Variants in PHF3 observed in about 807,000 individuals in gnomAD.
The protein encoded by PHF3 is PHD finger protein 3.
Under a neutral mutation model 178.4 loss-of-function variants are expected in PHF3, and 41 were observed. The ratio of observed to expected loss-of-function variants is 0.23; its 90% CI spans 0.18 to 0.30. The LOEUF is 0.30. Among genes scored for constraint, PHF3 ranks in the 10% least tolerant of loss-of-function variants. The probability of loss-of-function intolerance (pLI) is 1.00; values close to 1 mark genes in which losing one functional copy is unlikely to be tolerated. For missense variants in PHF3, 2,346 were observed against 2,398.1 expected (o/e 0.98, Z 0.45); for synonymous variants, 842 against 800.5 (o/e 1.05, Z -0.88).
chr6:63,696,417 T>TTGAACTC (rs1561974189), intron 6 of PHF3, among the ~76,000 whole-genome samples: 1 of 152,140 alleles, frequency 6.6e-6, no homozygotes, highest in African/African-American at 2.4e-5. Flanking sequence ...ACTCCTGGGC[T>TTGAACTC]CAAGCTATCC....
chr6:63,649,935 G>A (rs1764952236), intron 2 of PHF3, among the ~76,000 whole-genome samples: 1 of 152,102 alleles, frequency 6.6e-6, no homozygotes. Context: ...GGTGTTTACT[G>A]GCAGTATCAG....
At chr6:63,637,783 A>G (rs1250591170) in intron 1 of PHF3, among the ~76,000 whole-genome samples, 1 of 152,162 alleles carries the variant, frequency 6.6e-6, no homozygotes, top group Non-Finnish European at 1.5e-5. Context: ...GGCTACTTTT[A>G]TGTAAAAAGA....
rs769577866 is a variant in PHF3 at position 63,684,900 on chromosome 6, G to T, written c.1178G>T (p.Arg393Ile). ...IADKTENTLE[R>I]NKIEPLGYCE... ...GATAAAACTGAGAACACCCTTGAAA[G>T]AAATAAAATTGAACCGTTGGGTTAT... The change falls in exon 4 of 16, where the codon AGA (arginine) becomes ATA (isoleucine). Residue 393 changes from arginine to isoleucine, a missense_variant. By Grantham distance (97) the Arg-to-Ile change is moderately conservative. Transcript: ENST00000262043. The T allele has an allele frequency of 4.3e-6, 7 of 1,614,056 alleles. No homozygotes were observed. The East Asian group carries it at 1.3e-4, about 31-fold the overall frequency.
At chr6:63,638,906 A>G (rs892179244) in intron 1 of PHF3, among the ~76,000 whole-genome samples, 2 of 152,142 alleles carry the variant, frequency 1.3e-5, no homozygotes, top group African/African-American at 4.8e-5. Flanking sequence ...ACACATGGAA[A>G]GATATTGAGA....
At chr6:63,654,027 G>C (rs1765128612) in intron 2 of PHF3, among the ~76,000 whole-genome samples, 3 of 152,090 alleles carry the variant, frequency 2.0e-5, no homozygotes, top group South Asian at 4.1e-4. Context: ...GCTGGATTCA[G>C]TTTGCTAGGA....
rs1003509693 is a variant in PHF3, at chr6:63,717,060, A to G, written c.*3352A>G. On this transcript the variant is annotated 3_prime_UTR_variant, in exon 16 of 16. Transcript: ENST00000262043. ...AGTTTATTGTGGGTGAATTAATCTG[A>G]AATCTTTATAGAATAGCTAAGGCTA... Among the ~76,000 whole-genome samples the G allele has an allele frequency of 1.3e-5, 2 of 152,090 alleles. No individual in the cohort carries two copies. The highest frequency in any genetic ancestry group is 2.9e-5 in the Non-Finnish European group (2 of 68,006).
In PHF3 at chr6:63,706,070, G is replaced by C; in HGVS notation, c.3409G>C (p.Val1137Leu). The change falls in exon 12 of 16, where the codon GTA becomes CTA. Residue 1137 changes from valine to leucine, a missense_variant. Physicochemically the swap from Val to Leu is conservative, Grantham distance 32. Around this residue, in one of 8 missense-constraint regions of PHF3, gnomAD observed 205 missense variants for 212.4 expected, o/e 0.97. Coordinates refer to ENST00000262043, the MANE Select transcript of PHF3 (RefSeq NM_001370348.2). ...PPVDDLSPKK[V>L]KVVVGVARKH... is the part of the protein sequence containing the mutation. Reference sequence around the variant, plus strand: ...TGTAGATGATCTTTCTCCAAAAAAAGTAAAAGTTGTTGTAGGAGTAGCTCG... The same window carrying C: ...TGTAGATGATCTTTCTCCAAAAAAACTAAAAGTTGTTGTAGGAGTAGCTCG... The C allele has an allele frequency of 6.2e-7, 1 of 1,613,698 alleles. No individual in the cohort carries two copies. The highest frequency in any genetic ancestry group is 8.5e-7 in the Non-Finnish European group (1 of 1,179,892).
rs749766093 is a variant in PHF3 at position 63,685,321 on chromosome 6, T to C, written c.1599T>C (p.Asp533=). The C allele has an allele frequency of 6.2e-6, 10 of 1,613,928 alleles. No homozygotes were observed. Among genetic ancestry groups the C allele is most frequent in the East Asian group, 2.2e-5 (1 of 44,884 alleles). ...VNVKSVKRNT[D]VPESQQNFHR... is the part of the protein sequence containing the mutation. ...TCAAAAGTGTGAAACGAAATACTGA[T>C]GTACCAGAATCTCAGCAAAATTTTC... is the stretch of plus-strand genomic sequence containing the variant. The change falls in exon 4 of 16, where the codon GAT becomes GAC. Residue 533 remains aspartate (D), a synonymous_variant. Coordinates refer to ENST00000262043, the MANE Select transcript of PHF3 (RefSeq NM_001370348.2).
chr6:63,712,945 G>C lies in PHF3; in HGVS notation c.5357G>C (p.Ser1786Thr). 6.2e-7 allele frequency: 1 copy of C among 1,613,962 alleles called. No individual in the cohort carries two copies. Residue 1786 changes from serine (S) to threonine (T), a missense_variant, in exon 16 of 16, where the codon AGC becomes ACC. This residue lies in a region of PHF3 where 839 missense variants were observed against 806.9 expected (regional missense o/e 1.04). Transcript: ENST00000262043. ...AAAAGCATCACCTTTACTTCCAGAAGCACCAGCCCCAGAACAAGTACAAAC... is the reference window on the plus strand; with the variant it reads ...AAAAGCATCACCTTTACTTCCAGAACCACCAGCCCCAGAACAAGTACAAAC... ...PSKSITFTSR[S>T]TSPRTSTNFS...
chr6:63,683,791 G>A (rs1426129499), intron 3 of PHF3, among the ~76,000 whole-genome samples: 1 of 151,966 alleles, frequency 6.6e-6, no homozygotes, highest in Non-Finnish European at 1.5e-5. Flanking sequence ...AATGGTAAAG[G>A]AAGCTCATTT....
chr6:63,706,025 T>C lies in PHF3; in HGVS notation c.3368-4T>C, dbSNP rs200904932. The stretch of plus-strand genomic sequence containing the variant: ...TGGTTTCTTTTGATGTATTCTGGGC[T>C]TAGGTCGAATGGCACCACCTGTAGA... On this transcript the variant is annotated splice_region_variant and splice_polypyrimidine_tract_variant and intron_variant, in intron 11 of 15. Transcript: ENST00000262043. 1 of 1,608,148 alleles carries C rather than the reference T, an allele frequency of 6.2e-7. No individual in the cohort carries two copies. The highest frequency in any genetic ancestry group is 1.3e-5 in the African/African-American group (1 of 74,770).
At chr6:63,648,082 G>A (rs570256774) in intron 2 of PHF3, among the ~76,000 whole-genome samples, 1 of 152,230 alleles carries the variant, frequency 6.6e-6, no homozygotes, top group East Asian at 1.9e-4. Flanking sequence ...CTCAACACTG[G>A]CTACTAGGAA....
chr6:63,720,855 T>C lies in PHF3; in HGVS notation c.*7147T>C, dbSNP rs1404877416. Reference sequence around the variant, plus strand: ...GGAAAGAATTAGACTGTTATTTATGTAGGCCTTGATAAGAGTCTGATTTTG... The same window carrying C: ...GGAAAGAATTAGACTGTTATTTATGCAGGCCTTGATAAGAGTCTGATTTTG... On this transcript the variant is annotated 3_prime_UTR_variant, in exon 16 of 16. Coordinates refer to ENST00000262043, the MANE Select transcript of PHF3 (RefSeq NM_001370348.2). The C allele has an allele frequency of 1.9e-6, 3 of 1,551,190 alleles. No individual in the cohort carries two copies. The highest frequency in any genetic ancestry group is 2.6e-6 in the Non-Finnish European group (3 of 1,146,606).
At chr6:63,664,036 A>G (rs1765577767) in intron 2 of PHF3, among the ~76,000 whole-genome samples, 1 of 152,182 alleles carries the variant, frequency 6.6e-6, no homozygotes. Context: ...TTTATGGGTA[A>G]CCATGTACCC....
intron 2 of PHF3, among the ~76,000 whole-genome samples, chr6:63,655,315 G>T (rs374830040): frequency 6.6e-6 from 1 of 151,986 alleles, no homozygotes; most frequent in East Asian, 1.9e-4. Flanking sequence ...GACTTCAGGT[G>T]ATCCACCTGC....
chr6:63,653,744 C>G (rs1765117525), intron 2 of PHF3, among the ~76,000 whole-genome samples: 2 of 152,074 alleles, frequency 1.3e-5, no homozygotes, highest in African/African-American at 4.8e-5. Context: ...TCAACTTTCC[C>G]CCATTTAGTA....
chr6:63,637,897 AT>A (rs1464842914), intron 1 of PHF3, among the ~76,000 whole-genome samples: 1 of 152,144 alleles, frequency 6.6e-6, no homozygotes, highest in Non-Finnish European at 1.5e-5. Flanking sequence ...TCTTATTTAC[AT>A]TTTTTATAGG....
chr6:63,679,953 C>A, intron 2 of PHF3, 47 bp from the exon 3 acceptor site: 2 of 1,488,178 alleles, frequency 1.3e-6, no homozygotes, highest in Non-Finnish European at 1.9e-6. Flanking sequence ...AATTGCCTAA[C>A]ATTCCCAATA....
At position 63,721,953 on chromosome 6, in the gene PHF3, C is replaced by CA. The variant is rs1768415212; in HGVS notation, c.*8249dup. On this transcript the variant is annotated 3_prime_UTR_variant, in exon 16 of 16. Coordinates refer to ENST00000262043, the MANE Select transcript of PHF3 (RefSeq NM_001370348.2). ...GTTAGTTTTGTTTCCACTCACAGAG[C>CA]AAAATGCATATATCCTGTATTCTTT... Among the ~76,000 whole-genome samples, 1 of 152,106 alleles carries CA rather than the reference C, an allele frequency of 6.6e-6. No homozygotes were observed. The highest frequency in any genetic ancestry group is 2.4e-5 in the African/African-American group (1 of 41,438).
Sources: allele counts gnomAD v4.1 joint callset (sites outside exome capture counted in the v4.1 genomes callset), GRCh38; gene constraint gnomAD v4.1.1; regional missense constraint gnomAD v4.1.1; transcripts MANE v1.5; gene names NCBI Gene and HGNC (gene_info 2026-07-23, HGNC 2026-07-21).